CLNK: variants seen among roughly 807,000 people sequenced by gnomAD.
The protein encoded by CLNK is cytokine dependent hematopoietic cell linker.
CLNK carries 74 observed loss-of-function variants against 68.6 expected under a neutral mutation model. The ratio of observed to expected loss-of-function variants is 1.08; its 90% confidence interval spans 0.89 to 1.31. The LOEUF (loss-of-function observed/expected upper bound fraction) is 1.31, where lower values mean the gene tolerates loss of function less well. CLNK is among the 50% of genes most tolerant of loss of function. The probability of loss-of-function intolerance (pLI) is 0.00; values close to 1 mark genes in which losing one functional copy is unlikely to be tolerated. For missense variants in CLNK, 553 were observed against 515.3 expected (o/e 1.07, Z -0.71); for synonymous variants, 198 against 172.2 (o/e 1.15, Z -1.17).
At chr4:10,713,916 A>G in the CLNK span, among the ~76,000 whole-genome samples, 36 of 152,364 alleles carry the variant, frequency 2.4e-4, no homozygotes, top group Middle Eastern at 3.4e-3. Flanking sequence ...TGCAAAATAG[A>G]CTAATGCAAT....
In CLNK at chr4:10,523,812, C is replaced by T. The variant is rs186672527; in HGVS notation, c.731+2029G>A. On this transcript the variant is annotated intron_variant, in intron 14 of 18. Coordinates refer to ENST00000226951, the MANE Select transcript of CLNK (RefSeq NM_052964.4). ...GGCCAAGGTGGGTGAATCACTTGAG[C>T]CCAGGAGTTCGAGACTAGCCTGGGC... is the stretch of plus-strand genomic sequence containing the variant. 18 of 181,434 alleles carry T rather than the reference C, an allele frequency of 9.9e-5. No homozygotes were observed. The East Asian group carries it at 2.7e-3, about 27-fold the overall frequency. The allele number at this position is 181,434 out of a possible 1,614,324, so 11.2% of individuals were successfully genotyped here.
intron 7 of CLNK, 40 bp from the exon 8 acceptor site, chr4:10,558,492 G>A (rs778537706): frequency 1.3e-6 from 2 of 1,577,784 alleles, no homozygotes; most frequent in South Asian, 1.1e-5. Context: ...CTTCAGTTGT[G>A]ACTATGACAC....
intron 17 of CLNK, among the ~76,000 whole-genome samples, chr4:10,507,615 C>T (rs1390160767): frequency 5.3e-5 from 8 of 152,064 alleles, no homozygotes; most frequent in Non-Finnish European, 8.8e-5. Flanking sequence ...AGATGCGTGC[C>T]ACCATGCCTG....
At chr4:10,535,213 G>GAGAAAGAAAGAA (rs57053319) in intron 11 of CLNK, among the ~76,000 whole-genome samples, 18,374 of 131,112 alleles carry the variant, frequency 0.14, 1,633 homozygotes, top group Non-Finnish European at 0.16. Flanking sequence ...AAGAAAGAAA[G>GAGAAAGAAAGAA]AGAAAGAAAG....
intron 8 of CLNK, among the ~76,000 whole-genome samples, chr4:10,549,710 A>C (rs1719372743): frequency 1.3e-5 from 2 of 152,198 alleles, no homozygotes; most frequent in Admixed American, 1.3e-4. Flanking sequence ...ACGGGAATTT[A>C]CCTCCCTAAT....
chr4:10,655,334 C>CAGACAGAG (rs771027553), intron 2 of CLNK, among the ~76,000 whole-genome samples: 10 of 135,326 alleles, frequency 7.4e-5, no homozygotes, highest in African/African-American at 2.5e-4. Flanking sequence ...CCCCCAAAGA[C>CAGACAGAG]AGAGAGAGAG....
chr4:10,534,776 G>A (rs184463302), intron 11 of CLNK, among the ~76,000 whole-genome samples: 10 of 152,216 alleles, frequency 6.6e-5, no homozygotes, highest in African/African-American at 2.4e-4. Context: ...CCATGCAGTT[G>A]TAAGAAATAA....
At chr4:10,500,751 T>C (rs1296855946) in intron 18 of CLNK, among the ~76,000 whole-genome samples, 1 of 152,138 alleles carries the variant, frequency 6.6e-6, no homozygotes, top group Non-Finnish European at 1.5e-5. Flanking sequence ...GTGGATTGAT[T>C]TATGTTATTC....
intron 8 of CLNK, among the ~76,000 whole-genome samples, chr4:10,552,538 C>T (rs879678578): frequency 3.9e-5 from 6 of 152,124 alleles, no homozygotes; most frequent in African/African-American, 1.2e-4. Flanking sequence ...CCCAATGCCT[C>T]CACCTTAGTG....
At position 10,490,386 on chromosome 4, in the gene CLNK, G is replaced by T; in HGVS notation, c.*81C>A. Reference sequence around the variant, plus strand: ...AAGTTAAAAAAGTTGTCCCTTGAAGGCACAGAAAATAAACTTTTGAAATCA... The same window carrying T: ...AAGTTAAAAAAGTTGTCCCTTGAAGTCACAGAAAATAAACTTTTGAAATCA... On this transcript the variant is annotated 3_prime_UTR_variant, in exon 19 of 19. Transcript: ENST00000226951. 6.9e-7 allele frequency: 1 copy of T among 1,451,346 alleles called. No homozygotes were observed. Among genetic ancestry groups the T allele is most frequent in the Non-Finnish European group, 9.3e-7 (1 of 1,075,830 alleles). 89.9% of individuals were successfully genotyped at this position (1,451,346 alleles called of 1,614,324 possible). A position where few individuals can be genotyped will look rare whatever the true frequency, so the allele number is the denominator to read the frequency against.
chr4:10,721,483 T>C, the CLNK span, among the ~76,000 whole-genome samples: 1 of 152,208 alleles, frequency 6.6e-6, no homozygotes, highest in African/African-American at 2.4e-5. Context: ...TTCTGAGTCA[T>C]GTTGTAGTGG....
intron 8 of CLNK, among the ~76,000 whole-genome samples, chr4:10,555,715 G>A (rs2108816867): frequency 6.6e-6 from 1 of 152,232 alleles, no homozygotes; most frequent in East Asian, 1.9e-4. Context: ...CAACCAATAT[G>A]TTTTATTCTA....
At chr4:10,537,484 A>G (rs990795087) in intron 11 of CLNK, among the ~76,000 whole-genome samples, 8 of 152,084 alleles carry the variant, frequency 5.3e-5, no homozygotes, top group African/African-American at 1.4e-4. Flanking sequence ...TCTCAAAAAA[A>G]TATATACAGC....
intron 3 of CLNK, among the ~76,000 whole-genome samples, chr4:10,587,196 C>A (rs968360966): frequency 3.9e-5 from 6 of 152,094 alleles, no homozygotes; most frequent in Non-Finnish European, 2.9e-5. Flanking sequence ...AAACTCCTGA[C>A]CTCAGGTGAT....
intron 2 of CLNK, among the ~76,000 whole-genome samples, chr4:10,615,450 G>C (rs1722191651): frequency 6.6e-6 from 1 of 152,040 alleles, no homozygotes; most frequent in Non-Finnish European, 1.5e-5. Flanking sequence ...CTGGGAGGCG[G>C]AGGTTGCAGT....
upstream of CLNK, among the ~76,000 whole-genome samples, chr4:10,686,385 T>C (rs1296531098): frequency 1.3e-5 from 2 of 152,014 alleles, no homozygotes; most frequent in Non-Finnish European, 2.9e-5. Flanking sequence ...ATTCGACCCA[T>C]AACAAGACCT....
chr4:10,492,364 C>T (rs1716617831), intron 18 of CLNK, among the ~76,000 whole-genome samples: 3 of 152,150 alleles, frequency 2.0e-5, no homozygotes. Flanking sequence ...TGGTTTTGTC[C>T]ACTCCTTCCT....
chr4:10,682,135 G>A (rs13126284), intron 1 of CLNK, among the ~76,000 whole-genome samples: 20 of 71,094 alleles, frequency 2.8e-4, no homozygotes, highest in African/African-American at 7.6e-4. Context: ...GTGTGTGTAT[G>A]TGTGTGTGTG....
At position 10,566,045 on chromosome 4, in the gene CLNK, A is replaced by G; in HGVS notation, c.256T>C (p.Leu86=). The G allele has an allele frequency of 7.4e-6, 12 of 1,613,924 alleles. No individual in the cohort carries two copies. The highest frequency in any genetic ancestry group is 1.0e-5 in the Non-Finnish European group (12 of 1,179,846). ...GATTCCTTTATAGGCCGGGCTGGTA[A>G]AATTTTAATCGACTGCCATGTCTCT... ...MEETWQSIKI[L]PARPIKESEY... is the part of the protein sequence containing the mutation. The change falls in exon 6 of 19, where the codon TTA becomes CTA. Residue 86 remains leucine (L), a synonymous_variant. Transcript: ENST00000226951.
Sources: gnomAD v4.1 joint callset for allele counts (sites outside exome capture counted in the v4.1 genomes callset) on GRCh38, gnomAD v4.1.1 for gene constraint, MANE v1.5 for transcripts, NCBI Gene and HGNC (gene_info 2026-07-23, HGNC 2026-07-21) for gene names.